Variants in ACYP2 observed in about 807,000 individuals in gnomAD.
ACYP2 encodes acylphosphatase-2.
ACYP2 carries 12 observed loss-of-function variants against 11.2 expected under a neutral mutation model. The ratio of observed to expected loss-of-function variants is 1.08; its 90% CI spans 0.69 to 1.74. ACYP2 has a LOEUF of 1.74. ACYP2 is among the 40% of genes most tolerant of loss of function. ACYP2 has a pLI of 0.00. For missense variants in ACYP2, 134 were observed against 101.9 expected (o/e 1.31, Z -1.35); for synonymous variants, 43 against 32.2 (o/e 1.33, Z -1.13).
chr2:54,091,787 C>T lies in ACYP2; in HGVS notation c.277+34427C>T, dbSNP rs943604954. 5.9e-5 allele frequency among the ~76,000 whole-genome samples: 9 copies of T among 152,190 alleles called. No homozygotes were observed. In the South Asian group the frequency reaches 6.2e-4, roughly 11 times the overall value. On this transcript the variant is annotated intron_variant, in intron 4 of 6. Coordinates refer to ENST00000607452, the MANE Select transcript of ACYP2 (RefSeq NM_001320586.2). ...TCGGCCTCCCAAAGTGCGGGGATTA[C>T]AAGCGTCAGCCACTAACCCCAGCCA...
intron 4 of ACYP2, among the ~76,000 whole-genome samples, chr2:54,100,397 G>A (rs751236485): frequency 2.7e-5 from 4 of 150,674 alleles, no homozygotes; most frequent in Admixed American, 6.6e-5. Flanking sequence ...CAACCTCTGC[G>A]GCCCAAGTGA....
intron 6 of ACYP2, among the ~76,000 whole-genome samples, chr2:54,176,407 C>T (rs80328132): frequency 6.6e-6 from 1 of 152,166 alleles, no homozygotes; most frequent in Non-Finnish European, 1.5e-5. Context: ...AATAGAACGA[C>T]CAAGTGTCTC....
chr2:54,140,267 G>A (rs984422138), intron 6 of ACYP2, among the ~76,000 whole-genome samples: 7 of 152,120 alleles, frequency 4.6e-5, no homozygotes, highest in East Asian at 1.9e-4. Flanking sequence ...CCCATGATTC[G>A]AGGGAGCCTA....
intron 4 of ACYP2, among the ~76,000 whole-genome samples, chr2:54,114,540 T>C (rs1470691118): frequency 6.6e-6 from 1 of 152,032 alleles, no homozygotes; most frequent in Non-Finnish European, 1.5e-5. Flanking sequence ...AAAAATTAGC[T>C]GGGTGAGGTG....
intron 3 of ACYP2, chr2:54,051,626 C>A (rs1675871933): frequency 2.7e-6 from 2 of 742,430 alleles, no homozygotes; most frequent in Non-Finnish European, 5.0e-6. Flanking sequence ...AGGTGACAAG[C>A]AGCCTTATGA....
At chr2:54,065,390 T>G in intron 4 of ACYP2, 1 of 398,126 alleles carries the variant, frequency 2.5e-6, no homozygotes. Flanking sequence ...TTTTCTATTC[T>G]CCTATGCTTT....
At chr2:54,061,928 CAG>C (rs1676490887) in intron 4 of ACYP2, among the ~76,000 whole-genome samples, 1 of 152,102 alleles carries the variant, frequency 6.6e-6, no homozygotes, top group Non-Finnish European at 1.5e-5. Flanking sequence ...AAAAACTTAA[CAG>C]GGCGCAGATT....
intron 2 of ACYP2, among the ~76,000 whole-genome samples, chr2:53,991,038 C>A (rs1437100885): frequency 6.6e-6 from 1 of 152,162 alleles, no homozygotes; most frequent in African/African-American, 2.4e-5. Flanking sequence ...CCTTGTGATC[C>A]GCCCGCCTGG....
intron 5 of ACYP2, among the ~76,000 whole-genome samples, chr2:54,137,247 A>G (rs910952385): frequency 1.6e-4 from 25 of 152,276 alleles, no homozygotes; most frequent in Admixed American, 1.2e-3. Flanking sequence ...TGTTTATGTT[A>G]GTGTTCTTGC....
At chr2:54,239,841 GGAA>G (rs1298084657) in intron 6 of ACYP2, among the ~76,000 whole-genome samples, 29 of 152,170 alleles carry the variant, frequency 1.9e-4, no homozygotes, top group Middle Eastern at 3.4e-3. Flanking sequence ...GGTAGAATAG[GGAA>G]GAAGAAACTG....
At chr2:54,081,299 G>A (rs111866368) in intron 4 of ACYP2, among the ~76,000 whole-genome samples, 13 of 152,196 alleles carry the variant, frequency 8.5e-5, no homozygotes, top group African/African-American at 2.9e-4. Flanking sequence ...TAATAATAAC[G>A]GCAGTATTAT....
At chr2:54,117,237 G>C (rs1679863259) in intron 4 of ACYP2, among the ~76,000 whole-genome samples, 2 of 152,140 alleles carry the variant, frequency 1.3e-5, no homozygotes, top group African/African-American at 4.8e-5. Flanking sequence ...AATATAAAAA[G>C]TATGATAAAC....
At chr2:54,001,339 C>G (rs1672786661) in intron 2 of ACYP2, among the ~76,000 whole-genome samples, 1 of 152,026 alleles carries the variant, frequency 6.6e-6, no homozygotes, top group Non-Finnish European at 1.5e-5. Flanking sequence ...CCGCTGCACC[C>G]CAGCCTGAAC....
chr2:54,176,702 T>A (rs1039725730), intron 6 of ACYP2, among the ~76,000 whole-genome samples: 1 of 152,186 alleles, frequency 6.6e-6, no homozygotes, highest in Non-Finnish European at 1.5e-5. Context: ...CACGATGACA[T>A]GCTTAGTTGC....
chr2:54,163,219 T>G (rs967551408), intron 6 of ACYP2, among the ~76,000 whole-genome samples: 1 of 152,212 alleles, frequency 6.6e-6, no homozygotes, highest in Admixed American at 6.5e-5. Context: ...TAACCATGCC[T>G]GCATGTGAGT....
At chr2:54,219,905 A>ATATATTTTTTTT (rs1288814375) in intron 6 of ACYP2, among the ~76,000 whole-genome samples, 24 of 75,968 alleles carry the variant, frequency 3.2e-4, no homozygotes, top group Non-Finnish European at 5.3e-4. Flanking sequence ...ATATATATAT[A>ATATATTTTTTTT]TTTTTTTTTT....
intron 6 of ACYP2, among the ~76,000 whole-genome samples, chr2:54,182,200 C>T (rs1483152736): frequency 2.6e-5 from 4 of 151,822 alleles, no homozygotes; most frequent in South Asian, 4.2e-4. Flanking sequence ...GCTGGGATTA[C>T]AGGCGCCCGC....
intron 4 of ACYP2, among the ~76,000 whole-genome samples, chr2:54,072,446 T>C (rs369705655): frequency 6.6e-6 from 1 of 151,686 alleles, no homozygotes. Flanking sequence ...CAGCTACCTT[T>C]TGAAATTCTT....
chr2:54,066,901 G>C (rs1032817599), intron 4 of ACYP2, among the ~76,000 whole-genome samples: 2 of 152,168 alleles, frequency 1.3e-5, no homozygotes, highest in African/African-American at 4.8e-5. Flanking sequence ...AAAAACATTA[G>C]AGTAGCTCCA....
Sources: allele counts gnomAD v4.1 joint callset (sites outside exome capture counted in the v4.1 genomes callset), GRCh38; gene constraint gnomAD v4.1.1; transcripts MANE v1.5; gene names NCBI Gene and HGNC (gene_info 2026-07-23, HGNC 2026-07-21).